The following SLC2A12 variants were observed in gnomAD, a reference collection of about 807,000 sequenced individuals.
The protein encoded by SLC2A12 is solute carrier family 2, facilitated glucose transporter member 12.
A neutral mutation model predicts 41.8 loss-of-function variants in SLC2A12; 23 were observed. The ratio of observed to expected loss-of-function variants is 0.55; its 90% CI spans 0.40 to 0.78. The LOEUF (loss-of-function observed/expected upper bound fraction) is 0.78, where lower values mean the gene tolerates loss of function less well. SLC2A12 is among the 30% of genes least tolerant of loss of function. SLC2A12 has a pLI of 0.00. For missense variants in SLC2A12, 654 were observed against 745.6 expected (o/e 0.88, Z 1.43); for synonymous variants, 295 against 285.9 (o/e 1.03, Z -0.32).
At chr6:134,032,468 T>TATATATATATAAATATATA (rs1562201761) in intron 1 of SLC2A12, among the ~76,000 whole-genome samples, 1 of 34,294 alleles carries the variant, frequency 2.9e-5, no homozygotes, top group African/African-American at 1.4e-4. Flanking sequence ...ATATATATTT[T>TATATATATATAAATATATA]TATATATATA....
Position 134,052,624 on chromosome 6 carries a change from C to A in SLC2A12, c.-144G>T. The A allele has an allele frequency of 1.6e-6, 1 of 630,658 alleles. No homozygotes were observed. Among genetic ancestry groups the A allele is most frequent in the Non-Finnish European group, 2.8e-6 (1 of 361,678 alleles). The allele number at this position is 630,658 out of a possible 1,614,324, so 39.1% of individuals were successfully genotyped here. ...GGGCAAAGCTAATGTGATTTGTGAC[C>A]AACTTTGTTTCTATTTCCGAAGGCT... On this transcript the variant is annotated 5_prime_UTR_variant, in exon 1 of 5. Transcript: ENST00000275230.
intron 4 of SLC2A12, among the ~76,000 whole-genome samples, chr6:133,995,166 G>A (rs1776671624): frequency 6.6e-6 from 1 of 152,188 alleles, no homozygotes; most frequent in African/African-American, 2.4e-5. Flanking sequence ...AAGAAATAGG[G>A]CAAAAGCTGG....
At chr6:133,994,652 T>C (rs981492981) in intron 4 of SLC2A12, among the ~76,000 whole-genome samples, 3 of 152,010 alleles carry the variant, frequency 2.0e-5, no homozygotes, top group Non-Finnish European at 2.9e-5. Flanking sequence ...GGCGTGAACC[T>C]GGGAGGCAGA....
chr6:134,046,937 T>C (rs919776524), intron 1 of SLC2A12, among the ~76,000 whole-genome samples: 1 of 152,152 alleles, frequency 6.6e-6, no homozygotes, highest in Non-Finnish European at 1.5e-5. Flanking sequence ...GAAAAAAAAT[T>C]TGAATTTATG....
At chr6:134,045,820 CA>C (rs1247718833) in intron 1 of SLC2A12, among the ~76,000 whole-genome samples, 2 of 152,168 alleles carry the variant, frequency 1.3e-5, no homozygotes, top group African/African-American at 2.4e-5. Flanking sequence ...AGCTTTGAAA[CA>C]GTCTTTTACT....
chr6:134,020,176 C>T (rs935169187), intron 2 of SLC2A12, among the ~76,000 whole-genome samples: 1 of 152,196 alleles, frequency 6.6e-6, no homozygotes, highest in Non-Finnish European at 1.5e-5. Context: ...AATAGAAACA[C>T]TTTCCTGGCA....
At chr6:134,032,668 T>C (rs1318070029) in intron 1 of SLC2A12, among the ~76,000 whole-genome samples, 1 of 147,078 alleles carries the variant, frequency 6.8e-6, no homozygotes, top group Non-Finnish European at 1.5e-5. Context: ...GGACTACTGT[T>C]TGATCCTCAG....
chr6:134,003,652 C>T (rs553890024), intron 3 of SLC2A12, among the ~76,000 whole-genome samples: 7 of 152,176 alleles, frequency 4.6e-5, no homozygotes, highest in Non-Finnish European at 8.8e-5. Context: ...ATCCCCTTGT[C>T]CAAGTCAAAC....
Position 134,006,950 on chromosome 6 carries a change from G to A in SLC2A12, c.1445-16C>T. ...AGCCAGGGCACTAGAAGAAAGGCAA[G>A]AGTGGGTGGCGGACAGCACATTTAG... On this transcript the variant is annotated splice_polypyrimidine_tract_variant and intron_variant, in intron 2 of 4. Coordinates refer to ENST00000275230, the MANE Select transcript of SLC2A12 (RefSeq NM_145176.3). The A allele has an allele frequency of 6.2e-7, 1 of 1,613,868 alleles. No homozygotes were observed. The highest frequency in any genetic ancestry group is 8.5e-7 in the Non-Finnish European group (1 of 1,179,852).
chr6:134,030,224 G>A (rs1215598117), intron 1 of SLC2A12, among the ~76,000 whole-genome samples: 2 of 152,172 alleles, frequency 1.3e-5, no homozygotes, highest in Admixed American at 6.5e-5. Context: ...CAGCCTCCAG[G>A]AAACTTGCCC....
chr6:134,041,163 T>G (rs1179532586), intron 1 of SLC2A12, among the ~76,000 whole-genome samples: 2 of 152,178 alleles, frequency 1.3e-5, no homozygotes, highest in African/African-American at 4.8e-5. Flanking sequence ...TCAAAAACAG[T>G]GGGTGCAAAA....
At chr6:134,004,018 T>A (rs1399603199) in intron 3 of SLC2A12, among the ~76,000 whole-genome samples, 1 of 152,254 alleles carries the variant, frequency 6.6e-6, no homozygotes, top group Non-Finnish European at 1.5e-5. Flanking sequence ...CTAAAGGTTT[T>A]AGAGCATTCT....
intron 1 of SLC2A12, among the ~76,000 whole-genome samples, chr6:134,038,425 G>A (rs1286732606): frequency 4.5e-5 from 6 of 134,586 alleles, no homozygotes; most frequent in African/African-American, 1.8e-4. Context: ...GTAGTGGTGC[G>A]ATCTCGGCTC....
At chr6:134,036,888 A>C (rs1777307870) in intron 1 of SLC2A12, among the ~76,000 whole-genome samples, 1 of 152,180 alleles carries the variant, frequency 6.6e-6, no homozygotes, top group African/African-American at 2.4e-5. Flanking sequence ...AACTATATTT[A>C]TATTTTATTA....
At chr6:134,049,729 T>C (rs1339233944) in intron 1 of SLC2A12, among the ~76,000 whole-genome samples, 2 of 152,222 alleles carry the variant, frequency 1.3e-5, no homozygotes, top group African/African-American at 2.4e-5. Context: ...TAGCTTCTAG[T>C]CATTGGAACA....
chr6:134,011,808 G>A (rs548982884), intron 2 of SLC2A12, among the ~76,000 whole-genome samples: 10 of 152,200 alleles, frequency 6.6e-5, no homozygotes, highest in Admixed American at 3.9e-4. Context: ...TTGGGAGCCC[G>A]AGGTGGGCAG....
intron 1 of SLC2A12, among the ~76,000 whole-genome samples, chr6:134,039,616 A>G (rs1229918894): frequency 6.6e-6 from 1 of 150,830 alleles, no homozygotes; most frequent in Non-Finnish European, 1.5e-5. Context: ...TGACTGTGAT[A>G]CAGTTTTTTT....
intron 2 of SLC2A12, among the ~76,000 whole-genome samples, chr6:134,008,462 G>A (rs1265816564): frequency 6.6e-6 from 1 of 152,102 alleles, no homozygotes; most frequent in Non-Finnish European, 1.5e-5. Context: ...TATTAATGGG[G>A]AATTCAAAAC....
chr6:134,022,533 A>AGAAAAG (rs1777054759), intron 2 of SLC2A12, among the ~76,000 whole-genome samples: 1 of 142,144 alleles, frequency 7.0e-6, no homozygotes, highest in East Asian at 2.1e-4. Flanking sequence ...CTCCATCTCA[A>AGAAAAG]AAAAGAAAAG....
Sources: allele counts gnomAD v4.1 joint callset (sites outside exome capture counted in the v4.1 genomes callset), GRCh38; gene constraint gnomAD v4.1.1; transcripts MANE v1.5; gene names NCBI Gene and HGNC (gene_info 2026-07-23, HGNC 2026-07-21).